CYP7B1: variants seen among roughly 807,000 people sequenced by gnomAD.
The protein encoded by CYP7B1 is cytochrome P450 family 7 subfamily B member 1.
In CYP7B1, 29 loss-of-function variants were observed where a neutral mutation model predicts 42.7. The ratio of observed to expected loss-of-function variants is 0.68; its 90% confidence interval spans 0.51 to 0.93. The LOEUF is 0.93. Among genes scored for constraint, CYP7B1 ranks in the 40% least tolerant of loss-of-function variants. The pLI, the probability that CYP7B1 is intolerant of heterozygous loss-of-function variation, is 0.00. For missense variants in CYP7B1, 655 were observed against 600.5 expected (o/e 1.09, Z -0.95); for synonymous variants, 235 against 218.2 (o/e 1.08, Z -0.68).
intron 1 of CYP7B1, among the ~76,000 whole-genome samples, chr8:64,687,260 G>T (rs997522316): frequency 3.3e-5 from 5 of 152,200 alleles, no homozygotes; most frequent in African/African-American, 1.2e-4. Flanking sequence ...GTCATAAAAA[G>T]GAAAGAGCTA....
chr8:64,615,519 C>CA lies in CYP7B1; in HGVS notation c.850+171dup, dbSNP rs8192897. On this transcript the variant is annotated intron_variant, in intron 3 of 5. Coordinates refer to ENST00000310193, the MANE Select transcript of CYP7B1 (RefSeq NM_004820.5). Reference sequence around the variant, plus strand: ...TAAGTATCTTGTTTTACCACCTCAGCAAAAAAAAAAAAAATATCAATTATA... The same window carrying CA: ...TAAGTATCTTGTTTTACCACCTCAGCAAAAAAAAAAAAAAATATCAATTATA... Among the ~76,000 whole-genome samples, 3,639 of 114,816 alleles carry CA rather than the reference C, an allele frequency of 0.032. 42 individuals are homozygous for CA. Among genetic ancestry groups the CA allele is most frequent in the Non-Finnish European group, 0.045 (2,409 of 52,976 alleles). 75.3% of individuals were successfully genotyped at this position (114,816 alleles called of 152,430 possible).
At chr8:64,747,563 G>C (rs1045052328) in intron 1 of CYP7B1, among the ~76,000 whole-genome samples, 3 of 151,788 alleles carry the variant, frequency 2.0e-5, no homozygotes, top group Non-Finnish European at 4.4e-5. Flanking sequence ...ACCATAAGGA[G>C]GAGGATGAGG....
At chr8:64,782,617 T>C (rs1477470393) in intron 1 of CYP7B1, among the ~76,000 whole-genome samples, 1 of 152,192 alleles carries the variant, frequency 6.6e-6, no homozygotes, top group Non-Finnish European at 1.5e-5. Flanking sequence ...ATTCTTCTGA[T>C]AGAGATAAGA....
chr8:64,610,631 CTA>C (rs1389806825), intron 4 of CYP7B1, among the ~76,000 whole-genome samples: 4 of 152,054 alleles, frequency 2.6e-5, no homozygotes, highest in South Asian at 2.1e-4. Flanking sequence ...AAATCTAAAA[CTA>C]TTCTAAAATA....
chr8:64,662,772 T>G (rs1220192460), intron 1 of CYP7B1, among the ~76,000 whole-genome samples: 2 of 151,512 alleles, frequency 1.3e-5, no homozygotes, highest in Admixed American at 6.6e-5. Context: ...TTCACTATGG[T>G]AGACAAAAAA....
At chr8:64,712,648 T>TTA (rs909130435) in intron 1 of CYP7B1, among the ~76,000 whole-genome samples, 5 of 151,586 alleles carry the variant, frequency 3.3e-5, no homozygotes, top group African/African-American at 2.4e-5. Flanking sequence ...ATATATATCA[T>TTA]TATATATATG....
chr8:64,681,779 C>T lies in CYP7B1; in HGVS notation c.123-57240G>A, dbSNP rs569350616. Among the ~76,000 whole-genome samples the T allele has an allele frequency of 9.2e-5, 14 of 152,272 alleles. No individual in the cohort carries two copies. In the East Asian group the frequency reaches 1.7e-3, roughly 19 times the overall value. On this transcript the variant is annotated intron_variant, in intron 1 of 5. Transcript: ENST00000310193. Reference sequence around the variant, plus strand: ...AGCCAACATTGTGATAGCAACCTCACGAGAAACCAGTCAGAACCACCCAGC... The same window carrying T: ...AGCCAACATTGTGATAGCAACCTCATGAGAAACCAGTCAGAACCACCCAGC...
Position 64,604,805 on chromosome 8 carries a change from A to G in CYP7B1, c.1110T>C (p.Arg370=). 1 of 1,614,110 alleles carries G rather than the reference A, an allele frequency of 6.2e-7. No homozygotes were observed. The highest frequency in any genetic ancestry group is 8.5e-7 in the Non-Finnish European group (1 of 1,180,024). ...TGAGAGTCAAATCCTCCTCAACAAAACGAATGGTGGTTGAATATGAGGACA... is the reference window on the plus strand; with the variant it reads ...TGAGAGTCAAATCCTCCTCAACAAAGCGAATGGTGGTTGAATATGAGGACA... ...LRLSSYSTTI[R]FVEEDLTLSS... The change falls in exon 5 of 6, where the codon CGT becomes CGC. Residue 370 remains arginine (R), a synonymous_variant. Coordinates refer to ENST00000310193, the MANE Select transcript of CYP7B1 (RefSeq NM_004820.5).
chr8:64,723,443 A>C (rs1281975982), intron 1 of CYP7B1, among the ~76,000 whole-genome samples: 1 of 152,236 alleles, frequency 6.6e-6, no homozygotes, highest in Non-Finnish European at 1.5e-5. Context: ...AATTTTAAGT[A>C]ACCCAGAAGT....
chr8:64,795,898 A>G (rs1271648839), intron 1 of CYP7B1, among the ~76,000 whole-genome samples: 1 of 152,264 alleles, frequency 6.6e-6, no homozygotes, highest in African/African-American at 2.4e-5. Flanking sequence ...ACTGTAGCCA[A>G]AAGAGGTGGA....
intron 1 of CYP7B1, among the ~76,000 whole-genome samples, chr8:64,787,078 T>C (rs949228868): frequency 2.6e-5 from 4 of 152,210 alleles, no homozygotes; most frequent in Non-Finnish European, 2.9e-5. Context: ...GCCTGGACTA[T>C]GAAACCGTTT....
Position 64,798,720 on chromosome 8 carries a change from A to AG in CYP7B1, c.-134dup. 1 of 994,162 alleles carries AG rather than the reference A, an allele frequency of 1.0e-6. No individual in the cohort carries two copies. The highest frequency in any genetic ancestry group is 1.4e-6 in the Non-Finnish European group (1 of 732,628). 61.6% of individuals were successfully genotyped at this position (994,162 alleles called of 1,614,324 possible). A position where few individuals can be genotyped will look rare whatever the true frequency, so the allele number is the denominator to read the frequency against. The stretch of plus-strand genomic sequence containing the variant: ...GGGCCGGAGAGGCTGGCCTGCCCGC[A>AG]GCGCAGACAGGAATGTCACCGTGGT... On this transcript the variant is annotated 5_prime_UTR_variant, in exon 1 of 6. Coordinates refer to ENST00000310193, the MANE Select transcript of CYP7B1 (RefSeq NM_004820.5).
chr8:64,686,330 G>A (rs1289330281), intron 1 of CYP7B1, among the ~76,000 whole-genome samples: 1 of 39,038 alleles, frequency 2.6e-5, no homozygotes, highest in Non-Finnish European at 5.7e-5. Context: ...GGTGAGGGGC[G>A]CCTCTGCCCG....
intron 1 of CYP7B1, among the ~76,000 whole-genome samples, chr8:64,674,424 GGATGT>G (rs1806412934): frequency 6.6e-6 from 1 of 152,104 alleles, no homozygotes; most frequent in Non-Finnish European, 1.5e-5. Flanking sequence ...TGACCTTGTT[GGATGT>G]GATTTGCCTT....
chr8:64,629,407 T>G (rs1319470611), intron 1 of CYP7B1, among the ~76,000 whole-genome samples: 1 of 152,110 alleles, frequency 6.6e-6, no homozygotes, highest in Admixed American at 6.5e-5. Context: ...AAAAATAAAA[T>G]TACGTATTTA....
intron 1 of CYP7B1, among the ~76,000 whole-genome samples, chr8:64,654,342 T>G (rs865804974): frequency 2.0e-5 from 3 of 152,132 alleles, no homozygotes; most frequent in Non-Finnish European, 4.4e-5. Context: ...ACAAAATTAG[T>G]GTACAAAAAT....
intron 1 of CYP7B1, among the ~76,000 whole-genome samples, chr8:64,646,339 A>C (rs1368298272): frequency 6.6e-6 from 1 of 152,148 alleles, no homozygotes; most frequent in Non-Finnish European, 1.5e-5. Context: ...CAATGAACTC[A>C]AACAAATTTA....
intron 1 of CYP7B1, among the ~76,000 whole-genome samples, chr8:64,771,047 CTT>C (rs757503820): frequency 0.022 from 946 of 42,104 alleles, 3 homozygotes; most frequent in South Asian, 0.056. Flanking sequence ...ATATCAGCAT[CTT>C]TTTTTTTTTT....
chr8:64,655,417 A>G (rs1422105201), intron 1 of CYP7B1, among the ~76,000 whole-genome samples: 4 of 152,260 alleles, frequency 2.6e-5, no homozygotes, highest in Non-Finnish European at 5.9e-5. Context: ...AGCGTATGAA[A>G]AAAAGCTCAA....
Sources: gnomAD v4.1 joint callset for allele counts (sites outside exome capture counted in the v4.1 genomes callset) on GRCh38, gnomAD v4.1.1 for gene constraint, MANE v1.5 for transcripts, NCBI Gene and HGNC (gene_info 2026-07-23, HGNC 2026-07-21) for gene names.